The following DCDC1 variants were observed in gnomAD, a reference collection of about 807,000 sequenced individuals.
DCDC1 encodes the protein doublecortin domain containing 1.
A neutral mutation model predicts 178.3 loss-of-function variants in DCDC1; 200 were observed. The ratio of observed to expected loss-of-function variants is 1.12; its 90% CI spans 1.00 to 1.26. The LOEUF is 1.26. Among genes scored for constraint, DCDC1 ranks in the 50% most tolerant of loss-of-function variants. The pLI, the probability that DCDC1 is intolerant of heterozygous loss-of-function variation, is 0.00. For missense variants in DCDC1, 1,983 were observed against 1,749.2 expected, an observed-to-expected ratio of 1.13 and a Z score of -2.38; for synonymous variants, 690 against 604.8, an observed-to-expected ratio of 1.14 and a Z score of -2.07.
chr11:30,917,194 C>T (rs1945906468), intron 25 of DCDC1, among the ~76,000 whole-genome samples, 166 bp from the exon 26 acceptor site: 1 of 152,108 alleles, frequency 6.6e-6, no homozygotes, highest in South Asian at 2.1e-4. Flanking sequence ...ACTAATACAT[C>T]ATTTAGATCT....
chr11:31,089,185 T>C (rs943172414), intron 17 of DCDC1, among the ~76,000 whole-genome samples: 16 of 152,172 alleles, frequency 1.1e-4, no homozygotes, highest in African/African-American at 3.9e-4. Flanking sequence ...TTGAAAGACA[T>C]TTTCACTGGG....
intron 22 of DCDC1, among the ~76,000 whole-genome samples, chr11:30,929,014 CTA>C (rs762021177): frequency 6.6e-6 from 1 of 151,878 alleles, no homozygotes; most frequent in African/African-American, 2.4e-5. Flanking sequence ...AGTTAGGAAA[CTA>C]TTTTGTGCAT....
chr11:31,279,541 AC>A (rs1348681404), intron 7 of DCDC1, among the ~76,000 whole-genome samples: 1 of 152,188 alleles, frequency 6.6e-6, no homozygotes, highest in African/African-American at 2.4e-5. Flanking sequence ...GCACATATAC[AC>A]CATGGAACAC....
intron 9 of DCDC1, among the ~76,000 whole-genome samples, chr11:31,159,146 C>A (rs886214505): frequency 6.6e-6 from 1 of 152,080 alleles, no homozygotes; most frequent in Non-Finnish European, 1.5e-5. Context: ...AAGCACTGTG[C>A]AAATATTTTT....
intron 34 of DCDC1, among the ~76,000 whole-genome samples, chr11:30,899,160 C>G (rs1011323267): frequency 2.0e-5 from 3 of 151,898 alleles, no homozygotes; most frequent in African/African-American, 7.3e-5. Context: ...AACTTCTTCC[C>G]CAGCAATACC....
chr11:31,188,157 A>T (rs985098366), intron 9 of DCDC1, among the ~76,000 whole-genome samples: 1 of 152,094 alleles, frequency 6.6e-6, no homozygotes, highest in African/African-American at 2.4e-5. Flanking sequence ...AACCCTGTAC[A>T]GTAGGTATAT....
intron 9 of DCDC1, among the ~76,000 whole-genome samples, chr11:31,198,996 G>C (rs574477603): frequency 6.6e-6 from 1 of 152,096 alleles, no homozygotes; most frequent in East Asian, 1.9e-4. Context: ...ACATGTAGTT[G>C]TCAATAAAAA....
rs111528496 is a variant in DCDC1, at chr11:31,008,580, A to T, written c.2591+55889T>A. Among the ~76,000 whole-genome samples the T allele has an allele frequency of 4.3e-3, 660 of 152,258 alleles. 4 individuals carry two copies. The highest frequency in any genetic ancestry group is 0.015 in the African/African-American group (635 of 41,544). Reference sequence around the variant, plus strand: ...CTCTCATGTGTAACAGTTTCTTGGGACCAGACATTCCGCCTCAGTTTCTTT... The same window carrying T: ...CTCTCATGTGTAACAGTTTCTTGGGTCCAGACATTCCGCCTCAGTTTCTTT... On this transcript the variant is annotated intron_variant, in intron 20 of 38. Transcript: ENST00000684477.
chr11:30,915,635 GGCTTATAATCT>G lies in DCDC1; in HGVS notation c.3518_3528del (p.Gln1173ProfsTer29). Reference sequence around the variant, plus strand: ...CCCAAGACTAGCTGAGGAGCAGCATGGCTTATAATCTGCCCATCTCTGTATTCGAACTGCTG... The same window carrying G: ...CCCAAGACTAGCTGAGGAGCAGCATGGCCCATCTCTGTATTCGAACTGCTG... On this transcript the variant is annotated frameshift_variant, in exon 27 of 39. Coordinates refer to ENST00000684477, the MANE Select transcript of DCDC1 (RefSeq NM_001387274.1). LOFTEE classifies it high-confidence loss of function. The G allele has an allele frequency of 6.2e-7, 1 of 1,613,918 alleles. No homozygotes were observed. Among genetic ancestry groups the G allele is most frequent in the Non-Finnish European group, 8.5e-7 (1 of 1,179,862 alleles).
At chr11:31,027,913 T>A (rs1489931913) in intron 20 of DCDC1, among the ~76,000 whole-genome samples, 1 of 151,900 alleles carries the variant, frequency 6.6e-6, no homozygotes, top group Non-Finnish European at 1.5e-5. Flanking sequence ...GTTTTCAGGA[T>A]CTGTGACTAA....
At chr11:31,231,567 G>A (rs575176450) in intron 9 of DCDC1, among the ~76,000 whole-genome samples, 10 of 152,128 alleles carry the variant, frequency 6.6e-5, no homozygotes, top group Non-Finnish European at 1.2e-4. Flanking sequence ...GTGCATATAG[G>A]AGTTGGGAAT....
At chr11:31,328,401 G>A (rs1949762684) in intron 2 of DCDC1, 115 bp from the exon 3 acceptor site, 1 of 1,008,938 alleles carries the variant, frequency 9.9e-7, no homozygotes, top group Non-Finnish European at 1.4e-6. Context: ...AGACCATATA[G>A]CAATGATTAA....
At chr11:31,205,616 T>A (rs1436328648) in intron 9 of DCDC1, among the ~76,000 whole-genome samples, 1 of 152,206 alleles carries the variant, frequency 6.6e-6, no homozygotes, top group Non-Finnish European at 1.5e-5. Context: ...TTCCATCATA[T>A]GAGCTCCAAT....
intron 24 of DCDC1, among the ~76,000 whole-genome samples, chr11:30,921,198 A>T (rs942098848): frequency 1.3e-5 from 2 of 152,162 alleles, no homozygotes; most frequent in Non-Finnish European, 2.9e-5. Flanking sequence ...AATGGGCTAC[A>T]TTATTTAGAT....
intron 18 of DCDC1, among the ~76,000 whole-genome samples, chr11:31,076,764 G>A (rs1956889081): frequency 6.6e-6 from 1 of 152,108 alleles, no homozygotes; most frequent in South Asian, 2.1e-4. Context: ...GAAAATGGGT[G>A]ATATACTTTC....
chr11:31,118,341 A>T (rs1479633658), intron 11 of DCDC1, among the ~76,000 whole-genome samples: 1 of 152,154 alleles, frequency 6.6e-6, no homozygotes, highest in Non-Finnish European at 1.5e-5. Flanking sequence ...ATAATAAAAC[A>T]TTTATATTTT....
intron 20 of DCDC1, among the ~76,000 whole-genome samples, chr11:31,035,554 C>T (rs1285279377): frequency 6.6e-6 from 1 of 152,230 alleles, no homozygotes; most frequent in Non-Finnish European, 1.5e-5. Flanking sequence ...TACCACAGAG[C>T]TGTGTGTGCC....
rs199660376 is a variant in DCDC1, at chr11:31,234,648, G to GA, written c.1221+6801dup. On this transcript the variant is annotated intron_variant, in intron 9 of 38. Coordinates refer to ENST00000684477, the MANE Select transcript of DCDC1 (RefSeq NM_001387274.1). ...TTCAATACTGTTTTAGTTCTTCAAGGAAAAAAAATTCATATTCTTGTCCGT... is the reference window on the plus strand; with the variant it reads ...TTCAATACTGTTTTAGTTCTTCAAGGAAAAAAAAATTCATATTCTTGTCCGT... Among the ~76,000 whole-genome samples the GA allele has an allele frequency of 4.0e-3, 606 of 151,882 alleles. 4 individuals carry two copies. Among genetic ancestry groups the GA allele is most frequent in the Non-Finnish European group, 6.3e-3 (430 of 67,940 alleles).
intron 20 of DCDC1, among the ~76,000 whole-genome samples, chr11:31,036,132 T>A (rs887476316): frequency 3.3e-5 from 5 of 152,194 alleles, no homozygotes; most frequent in Non-Finnish European, 5.9e-5. Flanking sequence ...GGAAACTGAA[T>A]ATTTCATCTG....
Sources: allele counts gnomAD v4.1 joint callset (sites outside exome capture counted in the v4.1 genomes callset), GRCh38; gene constraint gnomAD v4.1.1; transcripts MANE v1.5; gene names NCBI Gene and HGNC (gene_info 2026-07-23, HGNC 2026-07-21).